ZNF804B: variants seen among roughly 807,000 people sequenced by gnomAD.
ZNF804B encodes zinc finger 804B.
In ZNF804B, 80 loss-of-function variants were observed where a neutral mutation model predicts 101.4. The observed-to-expected ratio is 0.79, with a 90% confidence interval of 0.66 to 0.95. The LOEUF (loss-of-function observed/expected upper bound fraction) is 0.95. ZNF804B is among the 40% of genes least tolerant of loss of function. The probability of loss-of-function intolerance (pLI) is 0.00; values close to 1 mark genes in which losing one functional copy is unlikely to be tolerated. For missense variants in ZNF804B, 1,673 were observed against 1,561.9 expected (o/e 1.07, Z -1.20); for synonymous variants, 622 against 558.8 (o/e 1.11, Z -1.59).
chr7:89,241,430 C>A (rs1314399076), intron 2 of ZNF804B, among the ~76,000 whole-genome samples: 3 of 152,066 alleles, frequency 2.0e-5, no homozygotes, highest in African/African-American at 7.2e-5. Context: ...TATTTACCCT[C>A]AAATCTTTGT....
At chr7:88,901,370 G>A (rs1584006205) in intron 1 of ZNF804B, among the ~76,000 whole-genome samples, 1 of 151,822 alleles carries the variant, frequency 6.6e-6, no homozygotes, top group South Asian at 2.1e-4. Context: ...AATTTTCAAG[G>A]ACTTTTAAAT....
chr7:88,791,156 C>A (rs868402180), intron 1 of ZNF804B, among the ~76,000 whole-genome samples: 2 of 152,080 alleles, frequency 1.3e-5, no homozygotes, highest in Middle Eastern at 3.4e-3. Context: ...ATTTGGAGAT[C>A]AAAAATTAGA....
At chr7:88,906,408 C>A (rs1792471146) in intron 1 of ZNF804B, among the ~76,000 whole-genome samples, 1 of 152,024 alleles carries the variant, frequency 6.6e-6, no homozygotes, top group Admixed American at 6.6e-5. Flanking sequence ...TCCCTGTTAG[C>A]ACTGCCCAGA....
intron 1 of ZNF804B, among the ~76,000 whole-genome samples, chr7:89,149,689 T>C (rs577746631): frequency 6.6e-6 from 1 of 151,988 alleles, no homozygotes; most frequent in South Asian, 2.1e-4. Context: ...TCATTGTAAG[T>C]ACTTAATCTC....
chr7:88,762,847 A>G (rs749710180), intron 1 of ZNF804B, among the ~76,000 whole-genome samples: 31 of 152,146 alleles, frequency 2.0e-4, no homozygotes, highest in Non-Finnish European at 3.7e-4. Context: ...TAAGATTTCC[A>G]ATACTTCAAC....
chr7:88,858,022 C>T (rs1791597473), intron 1 of ZNF804B, among the ~76,000 whole-genome samples: 1 of 151,710 alleles, frequency 6.6e-6, no homozygotes, highest in Non-Finnish European at 1.5e-5. Flanking sequence ...AGGGTTTTGC[C>T]ATGTTGGCTA....
chr7:88,856,200 A>G (rs888060852), intron 1 of ZNF804B, among the ~76,000 whole-genome samples: 1 of 152,252 alleles, frequency 6.6e-6, no homozygotes. Context: ...CTTGGGCAGC[A>G]TGGCCATTTT....
At chr7:89,214,743 A>G (rs1788863203) in intron 1 of ZNF804B, among the ~76,000 whole-genome samples, 1 of 152,178 alleles carries the variant, frequency 6.6e-6, no homozygotes, top group African/African-American at 2.4e-5. Flanking sequence ...CTTTACATGT[A>G]ATTCTTTCCC....
intron 1 of ZNF804B, among the ~76,000 whole-genome samples, chr7:89,171,356 TTCC>T (rs145019098): frequency 0.03 from 2,980 of 99,148 alleles, 125 homozygotes; most frequent in Middle Eastern, 0.064. Context: ...CTTCTTCTTC[TTCC>T]TCCTCTTCCT....
chr7:88,938,956 A>T (rs2116039810), intron 1 of ZNF804B, among the ~76,000 whole-genome samples: 1 of 152,198 alleles, frequency 6.6e-6, no homozygotes, highest in South Asian at 2.1e-4. Context: ...TGATTAACCT[A>T]AGGAATTCTT....
chr7:89,180,743 G>T (rs1225530253), intron 1 of ZNF804B, among the ~76,000 whole-genome samples: 1 of 151,388 alleles, frequency 6.6e-6, no homozygotes, highest in Non-Finnish European at 1.5e-5. Context: ...GTTAGGGAAA[G>T]GGTGATGCAA....
intron 1 of ZNF804B, among the ~76,000 whole-genome samples, chr7:88,819,620 C>T (rs1309722559): frequency 6.6e-6 from 1 of 151,998 alleles, no homozygotes; most frequent in Non-Finnish European, 1.5e-5. Flanking sequence ...CACAAAAGTG[C>T]TAAGTGTATA....
intron 1 of ZNF804B, among the ~76,000 whole-genome samples, chr7:89,162,596 CT>C (rs11378821): frequency 2.0e-4 from 29 of 146,964 alleles, no homozygotes; most frequent in East Asian, 9.9e-4. Flanking sequence ...TTGGGTTGAA[CT>C]TTTTTTTTTT....
At chr7:89,085,529 C>T (rs1251103104) in intron 1 of ZNF804B, among the ~76,000 whole-genome samples, 3 of 151,694 alleles carry the variant, frequency 2.0e-5, no homozygotes, top group Non-Finnish European at 4.4e-5. Context: ...ATCCATGGAA[C>T]CGTGGTTAAT....
At chr7:89,162,050 T>C (rs1791073266) in intron 1 of ZNF804B, among the ~76,000 whole-genome samples, 2 of 152,152 alleles carry the variant, frequency 1.3e-5, no homozygotes, top group South Asian at 4.1e-4. Flanking sequence ...GAAAAGCTAA[T>C]AATATTCTTC....
At position 88,800,287 on chromosome 7, in the gene ZNF804B, GA is replaced by G. The variant is rs558224190; in HGVS notation, c.108+40212del. Among the ~76,000 whole-genome samples, 76 of 149,760 alleles carry G rather than the reference GA, an allele frequency of 5.1e-4. 1 individual carries two copies. Among genetic ancestry groups the G allele is most frequent in the African/African-American group, 1.7e-3 (71 of 40,896 alleles). ...ATTGAAAAAGACATTCCCCCTCCAA[GA>G]AAAAAAAACAAACTACATTACTTTC... On this transcript the variant is annotated intron_variant, in intron 1 of 3. Coordinates refer to ENST00000333190, the MANE Select transcript of ZNF804B (RefSeq NM_181646.5).
At chr7:89,184,696 T>C (rs1788349407) in intron 1 of ZNF804B, among the ~76,000 whole-genome samples, 1 of 152,194 alleles carries the variant, frequency 6.6e-6, no homozygotes, top group African/African-American at 2.4e-5. Flanking sequence ...AGTTATTCTA[T>C]CCACCTTTTA....
At chr7:89,015,212 G>T (rs572134704) in intron 1 of ZNF804B, among the ~76,000 whole-genome samples, 3 of 151,798 alleles carry the variant, frequency 2.0e-5, no homozygotes, top group East Asian at 1.9e-4. Context: ...CTTTGTTTCT[G>T]TTTTTATGCC....
chr7:88,780,422 TC>T (rs1790207729), intron 1 of ZNF804B, among the ~76,000 whole-genome samples: 1 of 134,142 alleles, frequency 7.5e-6, no homozygotes, highest in Non-Finnish European at 1.5e-5. Flanking sequence ...AGGATCTCAC[TC>T]TGTCACTCAG....
Sources: allele counts gnomAD v4.1 joint callset (sites outside exome capture counted in the v4.1 genomes callset), GRCh38; gene constraint gnomAD v4.1.1; transcripts MANE v1.5; gene names NCBI Gene and HGNC (gene_info 2026-07-23, HGNC 2026-07-21).